The following NAV3 variants were observed in gnomAD, a reference collection of about 807,000 sequenced individuals.
NAV3 encodes the protein pore membrane and/or filament interacting like protein 1.
NAV3 carries 87 observed loss-of-function variants against 244.7 expected under a neutral mutation model. The observed-to-expected ratio is 0.36, with a 90% CI of 0.30 to 0.42. NAV3 has a LOEUF of 0.42. NAV3 is among the 20% of genes least tolerant of loss of function. NAV3 has a pLI of 1.00. For missense variants in NAV3, 2,663 were observed against 2,893.3 expected, an observed-to-expected ratio of 0.92 and a Z score of 1.83; for synonymous variants, 1,126 against 1,042.2, an observed-to-expected ratio of 1.08 and a Z score of -1.55.
chr12:78,190,310 G>C, intron 34 of NAV3, 91 bp downstream of exon 34: 4 of 1,006,360 alleles, frequency 4.0e-6, no homozygotes, highest in Non-Finnish European at 4.4e-6. Flanking sequence ...CTTCCATGTT[G>C]TACATGGAAA....
chr12:77,616,494 A>ATC (rs1319035671), intron 2 of NAV3, among the ~76,000 whole-genome samples: 1 of 152,158 alleles, frequency 6.6e-6, no homozygotes, highest in Non-Finnish European at 1.5e-5. Context: ...TTGTATATAT[A>ATC]ATGTGGTACA....
chr12:77,593,765 C>A (rs181128939), intron 2 of NAV3, among the ~76,000 whole-genome samples: 2 of 151,574 alleles, frequency 1.3e-5, no homozygotes, highest in Non-Finnish European at 2.9e-5. Flanking sequence ...TGAGCCACCA[C>A]GCCCAGCCTC....
At chr12:77,693,926 T>C (rs1164880336) in intron 2 of NAV3, among the ~76,000 whole-genome samples, 1 of 152,120 alleles carries the variant, frequency 6.6e-6, no homozygotes, top group Non-Finnish European at 1.5e-5. Context: ...GACACAATGA[T>C]CTGATAGGAT....
At chr12:77,888,449 C>T (rs911929187) in intron 1 of NAV3, among the ~76,000 whole-genome samples, 2 of 152,076 alleles carry the variant, frequency 1.3e-5, no homozygotes, top group Non-Finnish European at 2.9e-5. Context: ...TGCACTCCAG[C>T]CTGGACAGCA....
chr12:78,061,859 C>T (rs550612604), intron 12 of NAV3, among the ~76,000 whole-genome samples: 3 of 152,064 alleles, frequency 2.0e-5, no homozygotes, highest in Admixed American at 2.0e-4. Context: ...AAACATGTTT[C>T]CTGTCTATTT....
At chr12:77,626,604 A>G (rs1380316272) in intron 2 of NAV3, among the ~76,000 whole-genome samples, 1 of 152,140 alleles carries the variant, frequency 6.6e-6, no homozygotes, top group Non-Finnish European at 1.5e-5. Flanking sequence ...TGGATTTTTC[A>G]ACAGAAACTA....
intron 2 of NAV3, among the ~76,000 whole-genome samples, chr12:77,615,309 G>C (rs1871104185): frequency 6.6e-6 from 1 of 152,104 alleles, no homozygotes; most frequent in East Asian, 1.9e-4. Context: ...TGGGTAAACT[G>C]TGTGTCACTG....
chr12:77,603,043 T>G (rs79124632), intron 2 of NAV3, among the ~76,000 whole-genome samples: 17,168 of 152,070 alleles, frequency 0.11, 1,360 homozygotes, highest in Non-Finnish European at 0.16. Flanking sequence ...TGACATTACC[T>G]TTTGTTATTC....
chr12:78,064,383 A>G (rs1205825030), intron 12 of NAV3, among the ~76,000 whole-genome samples: 3 of 147,420 alleles, frequency 2.0e-5, no homozygotes, highest in Admixed American at 6.8e-5. Context: ...TCCTGGAGAC[A>G]TCTATCTATC....
rs1958168545 is a variant in NAV3, at chr12:78,175,224, G to T, written c.4982-82G>T. On this transcript the variant is annotated intron_variant, in intron 24 of 39. Transcript: ENST00000397909. Reference sequence around the variant, plus strand: ...CCTTGTTGACCTTTATTAGAGAACTGCCTCTCAAAAGACCTAAAAGACTTA... The same window carrying T: ...CCTTGTTGACCTTTATTAGAGAACTTCCTCTCAAAAGACCTAAAAGACTTA... 1.6e-5 allele frequency: 23 copies of T among 1,472,322 alleles called. No individual in the cohort carries two copies. In the South Asian group the frequency reaches 2.5e-4, roughly 16 times the overall value. The allele number at this position is 1,472,322 out of a possible 1,614,324, so 91.2% of individuals were successfully genotyped here. A position where few individuals can be genotyped will look rare whatever the true frequency, so the allele number is the denominator to read the frequency against.
At chr12:77,849,322 G>T (rs749067665) in intron 1 of NAV3, among the ~76,000 whole-genome samples, 3 of 151,838 alleles carry the variant, frequency 2.0e-5, no homozygotes, top group Admixed American at 1.3e-4. Flanking sequence ...TGTCTATATC[G>T]CAAAAAGAGC....
intron 33 of NAV3, among the ~76,000 whole-genome samples, chr12:78,189,520 A>T (rs567980573): frequency 4.0e-5 from 6 of 151,336 alleles, no homozygotes; most frequent in African/African-American, 1.4e-4. Flanking sequence ...GAATAAGGAG[A>T]TGGGGTGAAG....
intron 38 of NAV3, among the ~76,000 whole-genome samples, chr12:78,204,315 C>G (rs1420311172): frequency 6.6e-6 from 1 of 151,936 alleles, no homozygotes; most frequent in Non-Finnish European, 1.5e-5. Context: ...TGTAACAATC[C>G]TGCACGTTGT....
At chr12:77,873,756 ATATATATATATGTATAT>A (rs1565878790) in intron 1 of NAV3, among the ~76,000 whole-genome samples, 8 of 114,522 alleles carry the variant, frequency 7.0e-5, no homozygotes, top group East Asian at 2.6e-4. Flanking sequence ...ATATATATAT[ATATATATATATGTATAT>A]AACAGCATAT....
intron 5 of NAV3, among the ~76,000 whole-genome samples, chr12:77,990,503 A>T (rs1593213380): frequency 2.0e-5 from 3 of 152,310 alleles, no homozygotes; most frequent in South Asian, 4.1e-4. Flanking sequence ...GAGAAAAGGA[A>T]CTCAGATAAA....
intron 1 of NAV3, among the ~76,000 whole-genome samples, chr12:77,879,651 A>C (rs1445620460): frequency 7.6e-6 from 1 of 131,592 alleles, no homozygotes; most frequent in Non-Finnish European, 1.6e-5. Context: ...ACTTCACTAT[A>C]GCCTTGGCGA....
chr12:77,606,561 C>T (rs1565734254), intron 2 of NAV3, among the ~76,000 whole-genome samples: 1 of 152,048 alleles, frequency 6.6e-6, no homozygotes, highest in South Asian at 2.1e-4. Flanking sequence ...AGTCCTAGAA[C>T]CTTGCACATA....
chr12:78,056,258 T>C (rs1368720197), intron 11 of NAV3: 1 of 152,208 alleles, frequency 6.6e-6, no homozygotes, highest in Non-Finnish European at 1.5e-5. Context: ...TGTGCGAGGA[T>C]ACCCAGGATG....
At chr12:77,877,013 T>C (rs1881933438) in intron 1 of NAV3, among the ~76,000 whole-genome samples, 2 of 152,096 alleles carry the variant, frequency 1.3e-5, no homozygotes, top group Non-Finnish European at 2.9e-5. Context: ...CCACAAAACA[T>C]TGTATATGTT....
Sources: gnomAD v4.1 joint callset for allele counts (sites outside exome capture counted in the v4.1 genomes callset) on GRCh38, gnomAD v4.1.1 for gene constraint, MANE v1.5 for transcripts, NCBI Gene and HGNC (gene_info 2026-07-23, HGNC 2026-07-21) for gene names.